The following MACROD2 variants were observed in gnomAD, a reference collection of about 807,000 sequenced individuals.
MACROD2 encodes mono-ADP ribosylhydrolase 2.
A neutral mutation model predicts 70.4 loss-of-function variants in MACROD2; 36 were observed. The ratio of observed to expected loss-of-function variants is 0.51; its 90% CI spans 0.39 to 0.68. The LOEUF (loss-of-function observed/expected upper bound fraction) is 0.68, where lower values mean the gene tolerates loss of function less well. Among genes scored for constraint, MACROD2 ranks in the 30% least tolerant of loss-of-function variants. MACROD2 has a pLI of 0.00. For synonymous variants in MACROD2, 172 were observed against 178.8 expected, an observed-to-expected ratio of 0.96 and a Z score of 0.30; for missense variants, 496 against 538.4, an observed-to-expected ratio of 0.92 and a Z score of 0.78.
At chr20:15,130,201 C>T (rs974718787) in intron 5 of MACROD2, among the ~76,000 whole-genome samples, 47 of 151,906 alleles carry the variant, frequency 3.1e-4, no homozygotes, top group African/African-American at 1.1e-3. Context: ...CCCTCTTAAC[C>T]CAATGGTATG....
At chr20:15,217,833 C>T (rs1164281084) in intron 5 of MACROD2, among the ~76,000 whole-genome samples, 1 of 152,078 alleles carries the variant, frequency 6.6e-6, no homozygotes, top group Non-Finnish European at 1.5e-5. Flanking sequence ...TCATTCTTGG[C>T]ATCTGAATTA....
intron 8 of MACROD2, among the ~76,000 whole-genome samples, chr20:15,544,621 T>C (rs1341338307): frequency 6.6e-6 from 1 of 152,248 alleles, no homozygotes; most frequent in Non-Finnish European, 1.5e-5. Context: ...GAGGGTTTGA[T>C]AAGCTCTAGG....
At chr20:14,194,736 G>T (rs1242122041) in intron 3 of MACROD2, among the ~76,000 whole-genome samples, 1 of 152,162 alleles carries the variant, frequency 6.6e-6, no homozygotes, top group Non-Finnish European at 1.5e-5. Flanking sequence ...TGATTTCAAA[G>T]CAGAACAAGG....
chr20:14,720,342 T>G (rs1179776192), intron 5 of MACROD2, among the ~76,000 whole-genome samples: 1 of 152,028 alleles, frequency 6.6e-6, no homozygotes, highest in Non-Finnish European at 1.5e-5. Flanking sequence ...ATGTATTTCC[T>G]CTTCTGAAGT....
At chr20:15,401,659 A>G (rs930129459) in intron 6 of MACROD2, among the ~76,000 whole-genome samples, 1 of 152,232 alleles carries the variant, frequency 6.6e-6, no homozygotes, top group Non-Finnish European at 1.5e-5. Flanking sequence ...TTATTAAACA[A>G]TTGTAAAATA....
At chr20:15,284,652 C>A (rs1486711731) in intron 6 of MACROD2, among the ~76,000 whole-genome samples, 1 of 152,014 alleles carries the variant, frequency 6.6e-6, no homozygotes, top group African/African-American at 2.4e-5. Flanking sequence ...AGTCCTGGCC[C>A]CTTCATTTTG....
chr20:14,548,782 A>G (rs561196740), intron 4 of MACROD2, among the ~76,000 whole-genome samples: 1 of 151,932 alleles, frequency 6.6e-6, no homozygotes, highest in South Asian at 2.1e-4. Context: ...AATGCTGGCA[A>G]TTCACTGGGA....
chr20:15,783,371 G>T (rs1003636132), intron 8 of MACROD2, among the ~76,000 whole-genome samples: 2 of 152,110 alleles, frequency 1.3e-5, no homozygotes, highest in Non-Finnish European at 2.9e-5. Context: ...GTTTTGCAAA[G>T]AATGTATCAG....
chr20:14,558,567 G>C (rs1979209426), intron 4 of MACROD2, among the ~76,000 whole-genome samples: 1 of 151,624 alleles, frequency 6.6e-6, no homozygotes, highest in Non-Finnish European at 1.5e-5. Context: ...CTTCAGAGGA[G>C]AGAAACATTA....
intron 3 of MACROD2, among the ~76,000 whole-genome samples, chr20:14,246,669 C>T (rs2081970421): frequency 6.6e-6 from 1 of 152,088 alleles, no homozygotes; most frequent in Non-Finnish European, 1.5e-5. Context: ...TTTATAATTT[C>T]CTTTATTTAC....
At chr20:14,512,846 CAT>C (rs2085045963) in intron 4 of MACROD2, among the ~76,000 whole-genome samples, 1 of 152,064 alleles carries the variant, frequency 6.6e-6, no homozygotes, top group Non-Finnish European at 1.5e-5. Flanking sequence ...GTCTTGGTTT[CAT>C]AGAAAAACTA....
At chr20:15,539,469 G>A (rs539745634) in intron 8 of MACROD2, among the ~76,000 whole-genome samples, 41 of 152,270 alleles carry the variant, frequency 2.7e-4, no homozygotes, top group Middle Eastern at 3.4e-3. Context: ...TGTTTTTCCT[G>A]TGTCTATTCC....
chr20:14,451,220 T>A (rs1163686555), intron 3 of MACROD2, among the ~76,000 whole-genome samples: 3 of 152,018 alleles, frequency 2.0e-5, no homozygotes, highest in Admixed American at 6.6e-5. Flanking sequence ...GGCAGGTGGA[T>A]CATCTGAGGT....
intron 4 of MACROD2, among the ~76,000 whole-genome samples, chr20:14,552,935 A>G (rs1978759904): frequency 6.6e-6 from 1 of 152,174 alleles, no homozygotes; most frequent in Non-Finnish European, 1.5e-5. Flanking sequence ...ATACTACTGT[A>G]GACTTTTATA....
intron 3 of MACROD2, among the ~76,000 whole-genome samples, chr20:14,206,096 C>G (rs541905092): frequency 6.6e-6 from 1 of 151,848 alleles, no homozygotes; most frequent in East Asian, 1.9e-4. Flanking sequence ...TTAGCAATGT[C>G]GGGGGGTGGG....
Position 15,206,721 on chromosome 20 carries a change from G to GTTTTTTTT in MACROD2, c.419-23200_419-23193dup, listed in dbSNP as rs56752104. Among the ~76,000 whole-genome samples the GTTTTTTTT allele has an allele frequency of 7.0e-4, 23 of 32,996 alleles. 7 individuals are homozygous for GTTTTTTTT. Among genetic ancestry groups the GTTTTTTTT allele is most frequent in the African/African-American group, 9.2e-4 (6 of 6,542 alleles). The allele number at this position is 32,996 out of a possible 152,430, so 21.6% of individuals were successfully genotyped here. Reference sequence around the variant, plus strand: ...GCATGAAGTCTTTCATATTATCTATGTTTTTTTTTTTTTTTTTTTTTTTTT... The same window carrying GTTTTTTTT: ...GCATGAAGTCTTTCATATTATCTATGTTTTTTTTTTTTTTTTTTTTTTTTTTTTTTTTT... On this transcript the variant is annotated intron_variant, in intron 5 of 17. Coordinates refer to ENST00000684519, the MANE Select transcript of MACROD2 (RefSeq NM_001351661.2).
At chr20:15,650,727 AT>A (rs1046462634) in intron 8 of MACROD2, among the ~76,000 whole-genome samples, 4 of 151,650 alleles carry the variant, frequency 2.6e-5, no homozygotes, top group South Asian at 2.1e-4. Flanking sequence ...GGATAGCACA[AT>A]TTTTTTTTGT....
intron 3 of MACROD2, among the ~76,000 whole-genome samples, chr20:14,153,351 G>C (rs765258991): frequency 9.9e-5 from 15 of 152,170 alleles, no homozygotes; most frequent in Non-Finnish European, 1.9e-4. Context: ...ACATGCTTTA[G>C]TACAATTAAA....
At chr20:15,292,263 T>G (rs940555900) in intron 6 of MACROD2, among the ~76,000 whole-genome samples, 1 of 152,170 alleles carries the variant, frequency 6.6e-6, no homozygotes, top group Non-Finnish European at 1.5e-5. Context: ...ATTGTATAAC[T>G]GTAAACAAGC....
Sources: gnomAD v4.1 joint callset for allele counts (sites outside exome capture counted in the v4.1 genomes callset) on GRCh38, gnomAD v4.1.1 for gene constraint, MANE v1.5 for transcripts, NCBI Gene and HGNC (gene_info 2026-07-23, HGNC 2026-07-21) for gene names.